OTOG: variants seen among roughly 807,000 people sequenced by gnomAD.
The protein encoded by OTOG is otogelin.
OTOG carries 296 observed loss-of-function variants against 313.8 expected under a neutral mutation model. The observed-to-expected ratio is 0.94, with a 90% CI of 0.86 to 1.04. The LOEUF (loss-of-function observed/expected upper bound fraction) is 1.04. Ranked by LOEUF, OTOG falls within the 50% of genes least tolerant of loss-of-function variation. OTOG has a pLI of 0.00. For missense variants in OTOG, 3,948 were observed against 3,840.1 expected, an observed-to-expected ratio of 1.03 and a Z score of -0.74; for synonymous variants, 1,533 against 1,554.9, an observed-to-expected ratio of 0.99 and a Z score of 0.33.
chr11:17,631,663 T>C (rs1854129273), intron 40 of OTOG, 39 bp from the exon 41 acceptor site: 3 of 1,489,510 alleles, frequency 2.0e-6, no homozygotes, highest in Non-Finnish European at 2.7e-6. Context: ...GGAGTGGTAG[T>C]GATGATCGTG....
chr11:17,609,820 C>CAA lies in OTOG; in HGVS notation c.4521_4522insAA (p.Ala1508LysfsTer3). On this transcript the variant is annotated frameshift_variant, in exon 36 of 56. Transcript: ENST00000399397. LOFTEE classifies it high-confidence loss of function. ...CTCACCCCAGCTGCCCCACTCACCA[C>CAA]AGCCCTGAACCCACCAGTGACAGCC... 1 of 1,531,212 alleles carries CAA rather than the reference C, an allele frequency of 6.5e-7. No homozygotes were observed. The highest frequency in any genetic ancestry group is 8.8e-7 in the Non-Finnish European group (1 of 1,135,054). 94.9% of individuals were successfully genotyped at this position (1,531,212 alleles called of 1,614,324 possible).
At chr11:17,601,367 G>T (rs1387670743) in intron 31 of OTOG, among the ~76,000 whole-genome samples, 1 of 152,100 alleles carries the variant, frequency 6.6e-6, no homozygotes, top group Non-Finnish European at 1.5e-5. Context: ...GCACAAAACG[G>T]GGAGGACTAC....
chr11:17,570,330 G>A lies in OTOG; in HGVS notation c.1895G>A (p.Trp632Ter). The change falls in exon 17 of 56, where the codon TGG (tryptophan) becomes TAG (stop). Residue 632 changes from tryptophan to a stop codon, truncating the protein, a stop_gained. Coordinates refer to ENST00000399397, the MANE Select transcript of OTOG (RefSeq NM_001292063.2). LOFTEE classifies it high-confidence loss of function. ...LRLYLQVDQR[W>*]VEDTVGLCGT... is the part of the protein sequence containing the mutation. ...CTGTACCTGCAAGTGGACCAGCGAT[G>A]GGTGGAGGATACCGTGGGCCTCTGC... 6.4e-7 allele frequency: 1 copy of A among 1,550,710 alleles called. No homozygotes were observed. Among genetic ancestry groups the A allele is most frequent in the Non-Finnish European group, 8.7e-7 (1 of 1,147,020 alleles).
rs1854250902 is a variant in OTOG at position 17,635,767 on chromosome 11, T to G, written c.7795+56T>G. On this transcript the variant is annotated intron_variant, in intron 47 of 55. Coordinates refer to ENST00000399397, the MANE Select transcript of OTOG (RefSeq NM_001292063.2). The stretch of plus-strand genomic sequence containing the variant: ...CGGCAGGAAGGGGCCCTTCACAGAG[T>G]TCCCACCCCGGACCAATGGGGGTTG... 2.8e-6 allele frequency: 4 copies of G among 1,414,704 alleles called. No individual in the cohort carries two copies. The Admixed American group carries it at 7.9e-5, about 28-fold the overall frequency. The allele number at this position is 1,414,704 out of a possible 1,614,324, so 87.6% of individuals were successfully genotyped here.
chr11:17,644,968 G>A (rs1848044527), intron 54 of OTOG, among the ~76,000 whole-genome samples: 2 of 152,170 alleles, frequency 1.3e-5, no homozygotes, highest in Non-Finnish European at 2.9e-5. Context: ...CCACAAGACT[G>A]GTTGTCTGTG....
rs1853088782 is a variant in OTOG at position 17,595,958 on chromosome 11, C to T, written c.3409-80C>T. On this transcript the variant is annotated intron_variant, in intron 28 of 55. Coordinates refer to ENST00000399397, the MANE Select transcript of OTOG (RefSeq NM_001292063.2). ...ATCAGGGGGCAAGGATCATGGCGGC[C>T]ACCCTAAAATCTGTCTGTCATGTCA... 5.2e-6 allele frequency: 5 copies of T among 956,542 alleles called. No individual in the cohort carries two copies. The Admixed American group carries it at 6.1e-5, about 12-fold the overall frequency. The allele number at this position is 956,542 out of a possible 1,614,324, so 59.3% of individuals were successfully genotyped here.
At chr11:17,594,759 G>T (rs562743135) in intron 28 of OTOG, among the ~76,000 whole-genome samples, 1 of 152,326 alleles carries the variant, frequency 6.6e-6, no homozygotes, top group African/African-American at 2.4e-5. Flanking sequence ...AGTAGACCTG[G>T]GTTCTTGTCT....
In OTOG at chr11:17,578,486, G is replaced by A. The variant is rs2355466; in HGVS notation, c.2719G>A (p.Ala907Thr). 0.37 allele frequency: 575,987 copies of A among 1,539,508 alleles called. 110,619 individuals are homozygous for A. The highest frequency in any genetic ancestry group is 0.4 in the Non-Finnish European group (460,688 of 1,146,654). ...GCAACTGCTGAACCTGAGCGTGTCAGCCCGTGGCCCCTGCCTCTCGGGCTG... is the reference window on the plus strand; with the variant it reads ...GCAACTGCTGAACCTGAGCGTGTCAACCCGTGGCCCCTGCCTCTCGGGCTG... ...EQQLLNLSVS[A>T]RGPCLSGCAC... Residue 907 changes from alanine to threonine, a missense_variant, in exon 23 of 56, where the codon GCC (alanine) becomes ACC (threonine). Physicochemically the swap from Ala to Thr is moderately conservative, Grantham distance 58 (BLOSUM62 0). Coordinates refer to ENST00000399397, the MANE Select transcript of OTOG (RefSeq NM_001292063.2).
chr11:17,557,338 G>C lies in OTOG; in HGVS notation c.865+15G>C, dbSNP rs1026978823. On this transcript the variant is annotated intron_variant, in intron 8 of 55. Coordinates refer to ENST00000399397, the MANE Select transcript of OTOG (RefSeq NM_001292063.2). ...GACCAGCTCTGGTGAGGGTCAGACA[G>C]GTGGCCTCTGAGGGGTGTTGGTGGG... The C allele has an allele frequency of 1.3e-6, 2 of 1,550,160 alleles. No homozygotes were observed. Among genetic ancestry groups the C allele is most frequent in the African/African-American group, 1.4e-5 (1 of 73,112 alleles).
Position 17,609,699 on chromosome 11 carries a change from G to A in OTOG, c.4399G>A (p.Glu1467Lys), listed in dbSNP as rs1292738390. 2.6e-6 allele frequency: 4 copies of A among 1,520,414 alleles called. No homozygotes were observed. The highest frequency in any genetic ancestry group is 1.4e-5 in the African/African-American group (1 of 72,164). 94.2% of individuals were successfully genotyped at this position (1,520,414 alleles called of 1,614,324 possible). ...GGTTCCCACAGAGGCCCTTGGCAAT[G>A]AGACCCTCCCTCCCAGTCAAGGGTT... ...VWVPTEALGN[E>K]TLPPSQGLPT... Residue 1467 changes from glutamate (E) to lysine (K), a missense_variant, in exon 36 of 56, where the codon GAG (glutamate) becomes AAG (lysine). Transcript: ENST00000399397.
intron 32 of OTOG, 31 bp from the exon 33 acceptor site, chr11:17,605,826 G>A (rs2134081652): frequency 6.6e-7 from 1 of 1,511,028 alleles, no homozygotes; most frequent in Non-Finnish European, 8.9e-7. Flanking sequence ...ACCTCTGCCT[G>A]TACTGACTCT....
intron 23 of OTOG, 68 bp downstream of exon 23, chr11:17,578,594 G>A (rs1852593863): frequency 3.4e-6 from 5 of 1,452,988 alleles, no homozygotes; most frequent in Non-Finnish European, 4.5e-6. Context: ...ACAGGGTGGA[G>A]TGGGGGCAGG....
At position 17,603,858 on chromosome 11, in the gene OTOG, C is replaced by T. The variant is rs759040398; in HGVS notation, c.3877+1481C>T. Among the ~76,000 whole-genome samples the T allele has an allele frequency of 4.6e-5, 7 of 152,142 alleles. No individual in the cohort carries two copies. The East Asian group carries it at 7.7e-4, about 17-fold the overall frequency. On this transcript the variant is annotated intron_variant, in intron 32 of 55. Transcript: ENST00000399397. ...ACCACCACAGCCTGACACAGGTCAC[C>T]GGGGTGCTAGTGTTACCTGAAGATT...
chr11:17,584,596 ACTCACTGCAACCTCCAC>A (rs1852751245), intron 23 of OTOG, among the ~76,000 whole-genome samples: 1 of 151,270 alleles, frequency 6.6e-6, no homozygotes, highest in African/African-American at 2.4e-5. Flanking sequence ...CTCAATCTTG[ACTCACTGCAACCTCCAC>A]CTCCCAGGTC....
rs1377853727 is a variant in OTOG, at chr11:17,613,881, T to C, written c.6528+180T>C. 2.0e-5 allele frequency among the ~76,000 whole-genome samples: 3 copies of C among 152,086 alleles called. No homozygotes were observed. In the East Asian group the frequency reaches 5.8e-4, roughly 29 times the overall value. On this transcript the variant is annotated intron_variant, in intron 39 of 55. Transcript: ENST00000399397. ...TTGGAAGTGATTATAATTAGAATGC[T>C]TGTGGCCACACCAATGTCAGGGGAG...
intron 22 of OTOG, 197 bp from the exon 23 acceptor site, chr11:17,578,176 T>C (rs1852580307): frequency 8.1e-7 from 1 of 1,240,634 alleles, no homozygotes; most frequent in Non-Finnish European, 1.0e-6. Context: ...GCCGCAGTCT[T>C]ATTGTGTGAC....
intron 30 of OTOG, among the ~76,000 whole-genome samples, chr11:17,597,691 A>C (rs1004878998): frequency 2.0e-5 from 3 of 152,250 alleles, no homozygotes; most frequent in African/African-American, 7.2e-5. Context: ...TAAAAGATGA[A>C]AGAAAATATA....
rs1347126428 is a variant in OTOG, at chr11:17,569,285, G to T, written c.1774G>T (p.Asp592Tyr). 33 of 1,550,480 alleles carry T rather than the reference G, an allele frequency of 2.1e-5. No homozygotes were observed. The highest frequency in any genetic ancestry group is 2.8e-5 in the Non-Finnish European group (32 of 1,146,996). ...GTACAAGATCATCCCGCCATACACA[G>T]ATGGTACGGTTTGGGGTGGACAACA... The part of the protein sequence containing the change: ...DQYKIIPPYT[D>Y]DAFEIRRLSS... Residue 592 changes from aspartate (D) to tyrosine (Y), a missense_variant, in exon 16 of 56, where the codon GAT (aspartate) becomes TAT (tyrosine). Physicochemically the swap from Asp to Tyr is radical, Grantham distance 160 (BLOSUM62 -3). Coordinates refer to ENST00000399397, the MANE Select transcript of OTOG (RefSeq NM_001292063.2).
rs752041657 is a variant in OTOG at position 17,596,842 on chromosome 11, C to T, written c.3526-9C>T. ...TGTCCTCTGACCTCTAACTTCTGAC[C>T]TTCTCCAGGTTGATGTCACTTGGTT... On this transcript the variant is annotated splice_polypyrimidine_tract_variant and intron_variant, in intron 29 of 55. Coordinates refer to ENST00000399397, the MANE Select transcript of OTOG (RefSeq NM_001292063.2). The T allele has an allele frequency of 1.0e-5, 16 of 1,550,262 alleles. No homozygotes were observed. The highest frequency in any genetic ancestry group is 2.7e-5 in the African/African-American group (2 of 73,040).
Sources: gnomAD v4.1 joint callset for allele counts (sites outside exome capture counted in the v4.1 genomes callset) on GRCh38, gnomAD v4.1.1 for gene constraint, MANE v1.5 for transcripts, NCBI Gene and HGNC (gene_info 2026-07-23, HGNC 2026-07-21) for gene names.